Variants in MGMT observed in about 807,000 individuals in gnomAD.
MGMT encodes the protein methylated-DNA--protein-cysteine methyltransferase.
Under a neutral mutation model 15.9 loss-of-function variants are expected in MGMT, and 14 were observed. The observed-to-expected ratio is 0.88, with a 90% confidence interval of 0.58 to 1.37. The LOEUF (loss-of-function observed/expected upper bound fraction) is 1.37, where lower values mean the gene tolerates loss of function less well. Among genes scored for constraint, MGMT ranks in the 40% most tolerant of loss-of-function variants. The pLI is 0.00. For missense variants in MGMT, 282 were observed against 268.1 expected (o/e 1.05, Z -0.36); for synonymous variants, 130 against 118.2 (o/e 1.10, Z -0.65).
intron 2 of MGMT, among the ~76,000 whole-genome samples, chr10:129,641,949 CTG>C (rs1168325119): frequency 1.3e-5 from 2 of 152,226 alleles, no homozygotes; most frequent in African/African-American, 4.8e-5. Flanking sequence ...GGAGCAGCCT[CTG>C]GGGTTAATAG....
intron 3 of MGMT, among the ~76,000 whole-genome samples, chr10:129,712,970 T>C (rs1347043950): frequency 5.3e-5 from 8 of 152,166 alleles, no homozygotes; most frequent in African/African-American, 1.9e-4. Context: ...ATGTGCCTTA[T>C]AAGTCGTGAT....
chr10:129,741,589 C>G (rs1005465038), intron 3 of MGMT, among the ~76,000 whole-genome samples: 1 of 152,180 alleles, frequency 6.6e-6, no homozygotes, highest in Non-Finnish European at 1.5e-5. Context: ...ACATCAGTGT[C>G]TCCATTTTGG....
chr10:129,589,173 G>A (rs925549811), intron 2 of MGMT, among the ~76,000 whole-genome samples: 6 of 152,260 alleles, frequency 3.9e-5, no homozygotes, highest in African/African-American at 7.2e-5. Flanking sequence ...CAAGGAGGAC[G>A]TCATGGTGTC....
Position 129,759,428 on chromosome 10 carries a change from A to G in MGMT, c.414+87A>G, listed in dbSNP as rs1848846003. ...ATCTGATCCCACGTGTTTCCTCGGA[A>G]GGCAGGCTGTGCTGCTGGGGTGGGC... is the stretch of plus-strand genomic sequence containing the variant. On this transcript the variant is annotated intron_variant, in intron 4 of 4. Coordinates refer to ENST00000651593, the MANE Select transcript of MGMT (RefSeq NM_002412.5). 16 of 1,588,656 alleles carry G rather than the reference A, an allele frequency of 1.0e-5. No individual in the cohort carries two copies. The South Asian group carries it at 1.8e-4, about 18-fold the overall frequency.
chr10:129,589,922 G>A (rs1431582065), intron 2 of MGMT, among the ~76,000 whole-genome samples: 1 of 152,244 alleles, frequency 6.6e-6, no homozygotes, highest in African/African-American at 2.4e-5. Flanking sequence ...GGAGCCCAAG[G>A]GAGGGGTCCC....
intron 1 of MGMT, among the ~76,000 whole-genome samples, chr10:129,502,902 A>G (rs539950350): frequency 4.6e-5 from 7 of 152,316 alleles, no homozygotes; most frequent in South Asian, 2.1e-4. Flanking sequence ...AGAGCATAAA[A>G]ATGCATGTAG....
intron 2 of MGMT, among the ~76,000 whole-genome samples, chr10:129,617,092 A>G (rs968928326): frequency 6.6e-6 from 1 of 152,150 alleles, no homozygotes; most frequent in African/African-American, 2.4e-5. Context: ...TGATAAGCAT[A>G]GTACCCAATA....
intron 2 of MGMT, among the ~76,000 whole-genome samples, chr10:129,643,332 G>C (rs1447590736): frequency 2.0e-5 from 3 of 152,232 alleles, no homozygotes; most frequent in African/African-American, 7.2e-5. Flanking sequence ...GGAGAAGTCA[G>C]ATGTTTAAAA....
At chr10:129,542,574 C>T (rs1321104126) in intron 2 of MGMT, among the ~76,000 whole-genome samples, 1 of 152,198 alleles carries the variant, frequency 6.6e-6, no homozygotes, top group East Asian at 1.9e-4. Flanking sequence ...GCAAGTTCGG[C>T]TGTCTCATTG....
chr10:129,508,538 T>G (rs1048801697), intron 1 of MGMT, among the ~76,000 whole-genome samples: 2 of 148,722 alleles, frequency 1.3e-5, no homozygotes, highest in Admixed American at 6.6e-5. Flanking sequence ...TTTTTTTGTT[T>G]TTTGTTTGTT....
chr10:129,752,512 A>G (rs985097836), intron 3 of MGMT, among the ~76,000 whole-genome samples: 1 of 150,738 alleles, frequency 6.6e-6, no homozygotes, highest in Non-Finnish European at 1.5e-5. Context: ...CTAACATTTT[A>G]TTGTTTGTGC....
At chr10:129,569,829 G>C (rs1846396935) in intron 2 of MGMT, among the ~76,000 whole-genome samples, 1 of 152,200 alleles carries the variant, frequency 6.6e-6, no homozygotes, top group South Asian at 2.1e-4. Flanking sequence ...TGACCTTATA[G>C]GTATTGGGAT....
chr10:129,516,409 C>T (rs1845738697), intron 1 of MGMT, among the ~76,000 whole-genome samples: 1 of 152,112 alleles, frequency 6.6e-6, no homozygotes, highest in Non-Finnish European at 1.5e-5. Flanking sequence ...GTGCTGATAT[C>T]ACAGTGGCGT....
At position 129,761,419 on chromosome 10, in the gene MGMT, G is replaced by A. The variant is rs78949929; in HGVS notation, c.414+2078G>A. ...AGCTCCACTAACTGACATGTGCAGC[G>A]TGGCAGCACCCTCCCCCACCAGCCT... On this transcript the variant is annotated intron_variant, in intron 4 of 4. Coordinates refer to ENST00000651593, the MANE Select transcript of MGMT (RefSeq NM_002412.5). Among the ~76,000 whole-genome samples, 548 of 152,318 alleles carry A rather than the reference G, an allele frequency of 3.6e-3. 6 individuals carry two copies. The highest frequency in any genetic ancestry group is 0.012 in the African/African-American group (512 of 41,572).
chr10:129,590,505 A>G (rs1365868329), intron 2 of MGMT, among the ~76,000 whole-genome samples: 2 of 152,224 alleles, frequency 1.3e-5, no homozygotes, highest in Non-Finnish European at 2.9e-5. Flanking sequence ...GCAAAATAAA[A>G]CTGTTTCTGT....
At chr10:129,471,464 C>T (rs899244796) in intron 1 of MGMT, among the ~76,000 whole-genome samples, 1 of 152,076 alleles carries the variant, frequency 6.6e-6, no homozygotes, top group Non-Finnish European at 1.5e-5. Context: ...CTCCGGTGGG[C>T]AGCCGGGGAT....
chr10:129,591,990 A>G (rs574652780), intron 2 of MGMT, among the ~76,000 whole-genome samples: 2 of 152,350 alleles, frequency 1.3e-5, no homozygotes, highest in African/African-American at 4.8e-5. Context: ...CGCTAATTGT[A>G]CTACAAACTG....
intron 1 of MGMT, among the ~76,000 whole-genome samples, chr10:129,469,566 T>G (rs1390921561): frequency 6.6e-6 from 1 of 152,202 alleles, no homozygotes; most frequent in Non-Finnish European, 1.5e-5. Flanking sequence ...GGGGACACAT[T>G]GAGCCTCCCA....
At chr10:129,755,195 C>G (rs1848791142) in intron 3 of MGMT, among the ~76,000 whole-genome samples, 1 of 152,214 alleles carries the variant, frequency 6.6e-6, no homozygotes, top group African/African-American at 2.4e-5. Flanking sequence ...TTCATTTTAC[C>G]TGGAACCAGA....
Sources: allele counts gnomAD v4.1 joint callset (sites outside exome capture counted in the v4.1 genomes callset), GRCh38; gene constraint gnomAD v4.1.1; transcripts MANE v1.5; gene names NCBI Gene and HGNC (gene_info 2026-07-23, HGNC 2026-07-21).